RAD51B: variants seen among roughly 807,000 people sequenced by gnomAD.
The protein encoded by RAD51B is RAD51 paralog B.
Under a neutral mutation model 42.2 loss-of-function variants are expected in RAD51B, and 38 were observed. The ratio of observed to expected loss-of-function variants is 0.90; its 90% CI spans 0.70 to 1.18. The LOEUF (loss-of-function observed/expected upper bound fraction) is 1.18. Ranked by LOEUF, RAD51B falls within the 50% of genes most tolerant of loss-of-function variation. The pLI is 0.00. For missense variants in RAD51B, 373 were observed against 400.7 expected (o/e 0.93, Z 0.59); for synonymous variants, 154 against 145.2 (o/e 1.06, Z -0.43).
intron 8 of RAD51B, among the ~76,000 whole-genome samples, chr14:68,369,399 CG>C (rs957259956): frequency 6.6e-6 from 1 of 152,134 alleles, no homozygotes; most frequent in Admixed American, 6.5e-5. Flanking sequence ...GGAAACCTTC[CG>C]TGAGAAAATG....
intron 2 of RAD51B, 73 bp from the exon 3 acceptor site, chr14:67,825,391 T>C: frequency 2.0e-6 from 2 of 1,005,118 alleles, no homozygotes; most frequent in Non-Finnish European, 1.5e-6. Context: ...CAGTATCAAT[T>C]GAAGGTTTCC....
At chr14:68,449,175 A>G (rs927524313) in intron 9 of RAD51B, among the ~76,000 whole-genome samples, 7 of 152,234 alleles carry the variant, frequency 4.6e-5, no homozygotes, top group African/African-American at 1.7e-4. Context: ...TTAAAAACTC[A>G]TATCAGGAAA....
chr14:67,825,445 T>A lies in RAD51B; in HGVS notation c.85-19T>A, dbSNP rs779117124. ...TGTTACACATATATGTTTAAAATAC[T>A]CTCTTTATGTTTCTTTAGGACTTTT... On this transcript the variant is annotated intron_variant, in intron 2 of 10. Transcript: ENST00000471583. The A allele has an allele frequency of 1.9e-6, 3 of 1,539,092 alleles. No individual in the cohort carries two copies. Among genetic ancestry groups the A allele is most frequent in the Non-Finnish European group, 2.7e-6 (3 of 1,119,468 alleles).
At chr14:68,037,290 C>T (rs866086058) in intron 7 of RAD51B, among the ~76,000 whole-genome samples, 10 of 147,618 alleles carry the variant, frequency 6.8e-5, no homozygotes, top group East Asian at 2.0e-4. Context: ...GGCACGCTCT[C>T]GCTCACTGCA....
intron 10 of RAD51B, chr14:68,468,733 CT>C: frequency 3.3e-6 from 1 of 301,768 alleles, no homozygotes; most frequent in Non-Finnish European, 6.5e-6. Context: ...ATCTTGTTTC[CT>C]TTTCCTGTCC....
At chr14:68,271,997 C>T (rs1419651470) in intron 7 of RAD51B, among the ~76,000 whole-genome samples, 2 of 152,200 alleles carry the variant, frequency 1.3e-5, no homozygotes, top group Non-Finnish European at 2.9e-5. Context: ...CTTGTTTCAA[C>T]TCGAAAATGA....
At chr14:68,282,766 T>C (rs1239595881) in intron 7 of RAD51B, among the ~76,000 whole-genome samples, 1 of 152,208 alleles carries the variant, frequency 6.6e-6, no homozygotes, top group Non-Finnish European at 1.5e-5. Flanking sequence ...ATAGAATTGG[T>C]TGCACCTCTC....
At chr14:68,092,111 A>G (rs2077111027) in intron 7 of RAD51B, among the ~76,000 whole-genome samples, 3 of 152,144 alleles carry the variant, frequency 2.0e-5, no homozygotes, top group South Asian at 4.1e-4. Flanking sequence ...GCTTTGTAGT[A>G]TAGTTTGAAG....
chr14:68,434,710 G>A (rs774992716), intron 9 of RAD51B, among the ~76,000 whole-genome samples: 16 of 152,146 alleles, frequency 1.1e-4, no homozygotes, highest in South Asian at 2.1e-4. Context: ...GCGATGCCTC[G>A]CCCTGCTTCA....
intron 10 of RAD51B, among the ~76,000 whole-genome samples, chr14:68,593,307 T>C (rs1334132300): frequency 6.6e-6 from 1 of 152,196 alleles, no homozygotes; most frequent in African/African-American, 2.4e-5. Flanking sequence ...AAGGACTAAA[T>C]GAGTTAATAT....
chr14:68,356,863 G>A (rs1197027851), intron 8 of RAD51B, among the ~76,000 whole-genome samples: 5 of 151,446 alleles, frequency 3.3e-5, no homozygotes, highest in Admixed American at 6.6e-5. Context: ...GGCGCCTGTA[G>A]TCCCAGCTAC....
intron 11 of RAD51B, among the ~76,000 whole-genome samples, chr14:68,674,778 G>C (rs1336948548): frequency 6.6e-6 from 1 of 152,104 alleles, no homozygotes; most frequent in Admixed American, 6.5e-5. Context: ...TAGACCAGGG[G>C]TATCACCAAT....
chr14:68,099,338 T>C (rs977891288), intron 7 of RAD51B, among the ~76,000 whole-genome samples: 6 of 152,252 alleles, frequency 3.9e-5, no homozygotes, highest in Non-Finnish European at 8.8e-5. Flanking sequence ...GTTATAGATG[T>C]CTGTGAAATT....
intron 7 of RAD51B, among the ~76,000 whole-genome samples, chr14:68,039,006 T>G (rs375808761): frequency 3.3e-5 from 5 of 152,172 alleles, no homozygotes; most frequent in African/African-American, 9.7e-5. Flanking sequence ...TAGCTTCAAA[T>G]TAGCCATGGT....
At chr14:68,577,176 G>A (rs544731602) in intron 10 of RAD51B, among the ~76,000 whole-genome samples, 102 of 152,278 alleles carry the variant, frequency 6.7e-4, no homozygotes, top group African/African-American at 2.4e-3. Context: ...GGGCCCAGTT[G>A]TTCTCCATTA....
chr14:68,530,289 TA>T (rs75359642), intron 10 of RAD51B, among the ~76,000 whole-genome samples: 2 of 150,030 alleles, frequency 1.3e-5, no homozygotes, highest in East Asian at 2.0e-4. Context: ...ACAAAAAATT[TA>T]AAAAAAAAAT....
intron 10 of RAD51B, among the ~76,000 whole-genome samples, chr14:68,486,920 T>C (rs1053615496): frequency 1.3e-5 from 2 of 152,196 alleles, no homozygotes; most frequent in East Asian, 3.9e-4. Context: ...CCCATCCTGA[T>C]GGTGCGGTCA....
chr14:68,089,821 G>A (rs959492662), intron 7 of RAD51B, among the ~76,000 whole-genome samples: 2 of 152,158 alleles, frequency 1.3e-5, no homozygotes, highest in African/African-American at 4.8e-5. Flanking sequence ...TGTAAGAGAT[G>A]TAGGCAGCAG....
chr14:68,311,137 A>G lies in RAD51B; in HGVS notation c.853+19157A>G, dbSNP rs534198822. On this transcript the variant is annotated intron_variant, in intron 8 of 10. Transcript: ENST00000471583. Reference sequence around the variant, plus strand: ...AAATAAATTTTAATAGACTACCCCTAGGCAACTTTGAAGAGGAAATCATTG... The same window carrying G: ...AAATAAATTTTAATAGACTACCCCTGGGCAACTTTGAAGAGGAAATCATTG... Among the ~76,000 whole-genome samples, 4 of 152,354 alleles carry G rather than the reference A, an allele frequency of 2.6e-5. 1 individual carries two copies. The South Asian group carries it at 8.3e-4, about 32-fold the overall frequency.
Sources: gnomAD v4.1 joint callset for allele counts (sites outside exome capture counted in the v4.1 genomes callset) on GRCh38, gnomAD v4.1.1 for gene constraint, MANE v1.5 for transcripts, NCBI Gene and HGNC (gene_info 2026-07-23, HGNC 2026-07-21) for gene names.